Variants in ADCK5 observed in about 807,000 individuals in gnomAD.
The protein encoded by ADCK5 is uncharacterized aarF domain-containing protein kinase 5.
A neutral mutation model predicts 64.9 loss-of-function variants in ADCK5; 43 were observed. That is an observed-to-expected ratio of 0.66 (90% CI 0.52 to 0.85). The LOEUF is 0.85. Among genes scored for constraint, ADCK5 ranks in the 40% least tolerant of loss-of-function variants. ADCK5 has a pLI of 0.00. For missense variants in ADCK5, 760 were observed against 810.5 expected (o/e 0.94, Z 0.76); for synonymous variants, 434 against 342.8 (o/e 1.27, Z -2.94).
Position 144,384,626 on chromosome 8 carries a change from G to A in ADCK5, c.266+1396G>A, listed in dbSNP as rs923800649. On this transcript the variant is annotated intron_variant, in intron 3 of 14. Coordinates refer to ENST00000308860, the MANE Select transcript of ADCK5 (RefSeq NM_174922.5). This position sits in a 1 kb window ranked among gnomAD's most constrained non-coding sequence, Gnocchi z 5.7. ...CTCGTGACCCTCCGCTGCAGTGCAT[G>A]CAAGGGCCACACAGGGCTGCCAGCC... Among the ~76,000 whole-genome samples the A allele has an allele frequency of 2.0e-5, 3 of 152,156 alleles. No individual in the cohort carries two copies. Among genetic ancestry groups the A allele is most frequent in the Non-Finnish European group, 4.4e-5 (3 of 68,032 alleles).
chr8:144,373,764 C>T (rs1203848147), upstream of ADCK5: 1 of 322,154 alleles, frequency 3.1e-6, no homozygotes, highest in East Asian at 4.8e-5. Context: ...AGCCCTCAGC[C>T]CTCCCCGGAT....
At chr8:144,382,478 C>T (rs1554858476) in intron 2 of ADCK5, among the ~76,000 whole-genome samples, 3 of 152,188 alleles carry the variant, frequency 2.0e-5, no homozygotes, top group African/African-American at 7.2e-5. Flanking sequence ...GTATTAGACT[C>T]CTGCTGTATT....
Position 144,392,423 on chromosome 8 carries a change from CCCT to C in ADCK5, c.1268-19_1268-17del. On this transcript the variant is annotated intron_variant, in intron 12 of 14. Transcript: ENST00000308860. ...GGAACCCACTCAGAGCCCCCTCCCTCCCTCCCTCCCTCCCTCCCCAGACTACCT... is the reference window on the plus strand; with the variant it reads ...GGAACCCACTCAGAGCCCCCTCCCTCCCCTCCCTCCCTCCCCAGACTACCT... 3 of 741,992 alleles carry C rather than the reference CCCT, an allele frequency of 4.0e-6. No homozygotes were observed. Among genetic ancestry groups the C allele is most frequent in the African/African-American group, 1.8e-5 (1 of 55,772 alleles). The allele number at this position is 741,992 out of a possible 1,614,324, so 46.0% of individuals were successfully genotyped here.
In ADCK5 at chr8:144,392,431, C is replaced by T. The variant is rs782780780; in HGVS notation, c.1268-14C>T. ...CTCAGAGCCCCCTCCCTCCCTCCCT[C>T]CCTCCCTCCCCAGACTACCTCCTGT... On this transcript the variant is annotated splice_polypyrimidine_tract_variant and intron_variant, in intron 12 of 14. Coordinates refer to ENST00000308860, the MANE Select transcript of ADCK5 (RefSeq NM_174922.5). 3.4e-6 allele frequency: 5 copies of T among 1,461,176 alleles called. No individual in the cohort carries two copies. The highest frequency in any genetic ancestry group is 4.5e-6 in the Non-Finnish European group (5 of 1,101,144). The allele number at this position is 1,461,176 out of a possible 1,614,324, so 90.5% of individuals were successfully genotyped here.
intron 3 of ADCK5, 111 bp downstream of exon 3, chr8:144,383,341 G>A (rs1335132388): frequency 1.4e-6 from 2 of 1,386,020 alleles, no homozygotes; most frequent in Non-Finnish European, 9.5e-7. Context: ...AGCCTGGGAG[G>A]CCTGCAGAGC....
rs1042972428 is a variant in ADCK5 at position 144,392,782 on chromosome 8, C to T, written c.1527C>T (p.Val509=). 1.3e-6 allele frequency: 2 copies of T among 1,593,302 alleles called. No homozygotes were observed. The highest frequency in any genetic ancestry group is 1.3e-5 in the African/African-American group (1 of 74,872). ...CTAACGCGGGTGTGTGCAGGGCTGT[C>T]CGGGGCTGGAGCCGCCTGGCGGGCG... ...DRYFLMAKRA[V]RGWSRLAGAT... The change falls in exon 14 of 15, where the codon GTC becomes GTT. Residue 509 remains valine (V), a synonymous_variant. Coordinates refer to ENST00000308860, the MANE Select transcript of ADCK5 (RefSeq NM_174922.5).
chr8:144,374,107 G>GGT lies in ADCK5; in HGVS notation c.12+2_12+3dup. 8.0e-7 allele frequency: 1 copy of GGT among 1,248,840 alleles called. No homozygotes were observed. Among genetic ancestry groups the GGT allele is most frequent in the Non-Finnish European group, 1.0e-6 (1 of 989,058 alleles). 77.4% of individuals were successfully genotyped at this position (1,248,840 alleles called of 1,614,324 possible). On this transcript the variant is annotated frameshift_variant and splice_region_variant. Transcript: ENST00000308860. LOFTEE classifies it high-confidence loss of function. ...AGCAGTGGTCGGAGATGTGGCGACC[G>GGT]GTGAGGACTCTCCCGGCCCGGGGCG...
chr8:144,392,717 G>A lies in ADCK5; in HGVS notation c.1520+20G>A, dbSNP rs374687088. 39 of 1,589,646 alleles carry A rather than the reference G, an allele frequency of 2.5e-5. No homozygotes were observed. The highest frequency in any genetic ancestry group is 1.3e-4 in the South Asian group (12 of 90,044). On this transcript the variant is annotated intron_variant, in intron 13 of 14. Transcript: ENST00000308860. ...TAAAAGGTCGGTGGCCCGAGGAGGCGCCCGGGCCGTGGTGGGGCTGGTGTG... is the reference window on the plus strand; with the variant it reads ...TAAAAGGTCGGTGGCCCGAGGAGGCACCCGGGCCGTGGTGGGGCTGGTGTG...
At chr8:144,373,614 T>G (rs984482906), upstream of ADCK5, among the ~76,000 whole-genome samples, 34 of 152,224 alleles carry the variant, frequency 2.2e-4, no homozygotes, top group African/African-American at 8.0e-4. Context: ...TGTCTTCCAG[T>G]TCCCAGTCAG....
At chr8:144,385,513 GCTCACGCCT>G (rs1157723118) in intron 3 of ADCK5, among the ~76,000 whole-genome samples, 1 of 151,196 alleles carries the variant, frequency 6.6e-6, no homozygotes, top group Non-Finnish European at 1.5e-5. Flanking sequence ...AGGCGCGGTG[GCTCACGCCT>G]GTAATCCCAG....
intron 1 of ADCK5, 110 bp from the exon 2 acceptor site, chr8:144,379,277 G>C: frequency 1.4e-6 from 1 of 739,502 alleles, no homozygotes; most frequent in Non-Finnish European, 2.1e-6. Flanking sequence ...CACACATTAG[G>C]TTTAGAGTTA....
Position 144,391,152 on chromosome 8 carries a change from G to C in ADCK5, c.562G>C (p.Glu188Gln). 1 of 1,611,254 alleles carries C rather than the reference G, an allele frequency of 6.2e-7. No homozygotes were observed. Residue 188 changes from glutamate (E) to glutamine (Q), a missense_variant, in exon 6 of 15, where the codon GAG becomes CAG. This residue lies in a region of ADCK5 where 427 missense variants were observed against 518.4 expected (regional missense o/e 0.82). Transcript: ENST00000308860. ...CTTCCAGGTGGATGAGTTGTTCCTT[G>C]AGGACTTCCAGGCCCTCCCCCACGA... is the stretch of plus-strand genomic sequence containing the variant. ...GFQEVDELFL[E>Q]DFQALPHELF...
At chr8:144,389,380 C>T (rs1554859920) in intron 3 of ADCK5, 1 of 456,258 alleles carries the variant, frequency 2.2e-6, no homozygotes, top group Non-Finnish European at 4.4e-6. Context: ...CAGCCCTGCC[C>T]CCTTGCTGCC....
chr8:144,382,960 C>G, intron 2 of ADCK5, 121 bp from the exon 3 acceptor site: 3 of 1,371,626 alleles, frequency 2.2e-6, no homozygotes, highest in Non-Finnish European at 3.0e-6. Flanking sequence ...CTCTGCTGAC[C>G]ACACGTCAGA....
intron 1 of ADCK5, among the ~76,000 whole-genome samples, chr8:144,374,850 GC>G (rs1819300865): frequency 1.3e-5 from 2 of 152,182 alleles, no homozygotes; most frequent in South Asian, 4.1e-4. Flanking sequence ...CTCCCACGTC[GC>G]CGCCGGGTCC....
Position 144,390,704 on chromosome 8 carries a change from C to G in ADCK5, c.300C>G (p.Asp100Glu). The G allele has an allele frequency of 2.5e-6, 4 of 1,613,896 alleles. No homozygotes were observed. The highest frequency in any genetic ancestry group is 3.4e-6 in the Non-Finnish European group (4 of 1,179,998). The change falls in exon 4 of 15, where the codon GAC becomes GAG. Residue 100 changes from aspartate (D) to glutamate (E), a missense_variant. This residue lies in a region of ADCK5 where 427 missense variants were observed against 518.4 expected (regional missense o/e 0.82). Coordinates refer to ENST00000308860, the MANE Select transcript of ADCK5 (RefSeq NM_174922.5). ...AGGTCGGCCTGCAGATCTCCCTGGA[C>G]TACTGGTGGTGCACCAATGTTGTCC... ...SLKVGLQISL[D>E]YWWCTNVVLR... is the part of the protein sequence containing the mutation.
rs979042774 is a variant in ADCK5 at position 144,390,364 on chromosome 8, A to G, written c.267-307A>G. On this transcript the variant is annotated intron_variant, in intron 3 of 14. Transcript: ENST00000308860. ...GGCCAGTCTCGAACTCCTGAGCTCA[A>G]GTGATCCTCCCAGCACAGCCTCCCA... Among the ~76,000 whole-genome samples the G allele has an allele frequency of 1.1e-4, 17 of 152,286 alleles. No individual in the cohort carries two copies. In the East Asian group the frequency reaches 1.2e-3, roughly 10 times the overall value.
At chr8:144,385,808 C>T (rs936955774) in intron 3 of ADCK5, among the ~76,000 whole-genome samples, 3 of 150,292 alleles carry the variant, frequency 2.0e-5, no homozygotes, top group African/African-American at 7.3e-5. Flanking sequence ...CTAAAAAATA[C>T]AAAAAATTAG....
intron 11 of ADCK5, 31 bp from the exon 12 acceptor site, chr8:144,392,223 A>C (rs1554861070): frequency 1.7e-5 from 26 of 1,546,038 alleles, no homozygotes; most frequent in Non-Finnish European, 2.2e-5. Flanking sequence ...TGCCGCAGGG[A>C]GCTCATGGCT....
Sources: gnomAD v4.1 joint callset for allele counts (sites outside exome capture counted in the v4.1 genomes callset) on GRCh38, gnomAD v4.1.1 for gene constraint, gnomAD v4.1.1 regional missense constraint, Gnocchi (gnomAD v3.1) non-coding constraint, MANE v1.5 for transcripts, NCBI Gene and HGNC (gene_info 2026-07-23, HGNC 2026-07-21) for gene names.